Variants in NRG1 observed in about 807,000 individuals in gnomAD.
The protein encoded by NRG1 is neuregulin 1.
A neutral mutation model predicts 63.8 loss-of-function variants in NRG1; 18 were observed. That is an observed-to-expected ratio of 0.28 (90% confidence interval 0.19 to 0.42). The LOEUF is 0.42. NRG1 is among the 10% of genes least tolerant of loss of function. NRG1 has a pLI of 1.00. For synonymous variants in NRG1, 302 were observed against 301.3 expected, an observed-to-expected ratio of 1.00 and a Z score of -0.02; for missense variants, 762 against 814.7, an observed-to-expected ratio of 0.94 and a Z score of 0.79.
intron 1 of NRG1, among the ~76,000 whole-genome samples, chr8:32,431,122 C>G (rs1424089808): frequency 6.6e-6 from 1 of 152,132 alleles, no homozygotes; most frequent in Non-Finnish European, 1.5e-5. Context: ...ACACATTGCC[C>G]ATGATCACAG....
At chr8:32,048,217 C>T (rs554146007) in intron 1 of NRG1, among the ~76,000 whole-genome samples, 1 of 151,430 alleles carries the variant, frequency 6.6e-6, no homozygotes, top group South Asian at 2.1e-4. Flanking sequence ...ACACGGTAAA[C>T]ACGGAAGTGT....
chr8:32,157,961 A>G (rs942336242), intron 1 of NRG1, among the ~76,000 whole-genome samples: 1 of 152,056 alleles, frequency 6.6e-6, no homozygotes, highest in African/African-American at 2.4e-5. Flanking sequence ...TTCCTTATAC[A>G]CTTTCCACTT....
At chr8:32,225,714 AG>A (rs1189351731) in intron 1 of NRG1, among the ~76,000 whole-genome samples, 2 of 152,232 alleles carry the variant, frequency 1.3e-5, no homozygotes, top group Non-Finnish European at 2.9e-5. Flanking sequence ...ATAAGCAGCT[AG>A]AAAGTACCAC....
chr8:32,439,671 C>T (rs1056099899), intron 1 of NRG1, among the ~76,000 whole-genome samples: 1 of 151,698 alleles, frequency 6.6e-6, no homozygotes, highest in African/African-American at 2.4e-5. Flanking sequence ...TAAGAAACTG[C>T]TTATAATATT....
chr8:32,341,941 C>T (rs1301097038), intron 1 of NRG1, among the ~76,000 whole-genome samples: 1 of 152,070 alleles, frequency 6.6e-6, no homozygotes, highest in African/African-American at 2.4e-5. Context: ...GTTTAAGATA[C>T]TAATTATATA....
chr8:32,019,897 T>C (rs1208119822), intron 1 of NRG1, among the ~76,000 whole-genome samples: 2 of 152,204 alleles, frequency 1.3e-5, no homozygotes, highest in Admixed American at 1.3e-4. Flanking sequence ...GTTTGGTCTA[T>C]TCTGTTATCT....
chr8:32,648,429 G>A, intron 5 of NRG1: 1 of 1,590,944 alleles, frequency 6.3e-7, no homozygotes, highest in Non-Finnish European at 8.6e-7. Context: ...ATGAATAAAA[G>A]GGGTGGGTTT....
chr8:32,728,284 T>C (rs1343695273), intron 6 of NRG1: 1 of 984,474 alleles, frequency 1.0e-6, no homozygotes, highest in Non-Finnish European at 1.2e-6. Context: ...CTCTTTTCAA[T>C]GTGTGTGAGG....
intron 1 of NRG1, among the ~76,000 whole-genome samples, chr8:32,126,757 A>T (rs992492059): frequency 2.0e-5 from 3 of 151,928 alleles, no homozygotes; most frequent in Non-Finnish European, 4.4e-5. Context: ...TTTCAGTAAG[A>T]TGTTTAGCTT....
At chr8:32,767,674 T>C (rs1009997990) in exon 12 of NRG1, 5 of 152,204 alleles carry the variant, frequency 3.3e-5, no homozygotes, top group African/African-American at 9.6e-5. Flanking sequence ...GTTGTTTTCA[T>C]ATAAGTTTAA....
At chr8:32,056,597 T>G (rs1049554283) in intron 1 of NRG1, among the ~76,000 whole-genome samples, 1 of 152,168 alleles carries the variant, frequency 6.6e-6, no homozygotes, top group Non-Finnish European at 1.5e-5. Context: ...CAATCAAACA[T>G]GTATAGTTTA....
At chr8:32,177,230 A>G (rs1353585496) in intron 1 of NRG1, among the ~76,000 whole-genome samples, 2 of 151,706 alleles carry the variant, frequency 1.3e-5, no homozygotes, top group Admixed American at 1.3e-4. Flanking sequence ...TCGCAAGGAC[A>G]AAGAACCAAA....
intron 1 of NRG1, among the ~76,000 whole-genome samples, chr8:31,792,433 A>G (rs1820806796): frequency 6.6e-6 from 1 of 152,232 alleles, no homozygotes; most frequent in Non-Finnish European, 1.5e-5. Flanking sequence ...AACAGAAAAA[A>G]AGAAATCAGA....
chr8:32,326,533 C>A (rs531570230), intron 1 of NRG1, among the ~76,000 whole-genome samples: 1 of 152,138 alleles, frequency 6.6e-6, no homozygotes, highest in African/African-American at 2.4e-5. Flanking sequence ...CTATGTTGCC[C>A]AGGCTGGTCT....
chr8:32,193,708 A>G (rs1353594867), intron 1 of NRG1, among the ~76,000 whole-genome samples: 2 of 152,276 alleles, frequency 1.3e-5, no homozygotes, highest in Middle Eastern at 3.4e-3. Flanking sequence ...TCAGAATAGA[A>G]CCTTATTTGG....
chr8:31,929,090 A>T (rs1834656459), intron 1 of NRG1, among the ~76,000 whole-genome samples: 1 of 152,200 alleles, frequency 6.6e-6, no homozygotes, highest in Non-Finnish European at 1.5e-5. Flanking sequence ...ATCTGAGACA[A>T]GCTATGATCA....
intron 1 of NRG1, among the ~76,000 whole-genome samples, chr8:32,376,410 C>T (rs1445103880): frequency 6.6e-6 from 1 of 152,116 alleles, no homozygotes; most frequent in East Asian, 1.9e-4. Context: ...CAATGTGCCC[C>T]ATCTTCTACC....
Position 32,312,012 on chromosome 8 carries a change from G to C in NRG1, c.38-283816G>C, listed in dbSNP as rs181760225. On this transcript the variant is annotated intron_variant, in intron 1 of 10. Coordinates refer to the NRG1 transcript ENST00000519301. Reference sequence around the variant, plus strand: ...TTGCTCAACCTGTTTACACTGAGATGTGTTGAGGAACTGTCCCACGGCAAG... The same window carrying C: ...TTGCTCAACCTGTTTACACTGAGATCTGTTGAGGAACTGTCCCACGGCAAG... Among the ~76,000 whole-genome samples the C allele has an allele frequency of 3.3e-3, 504 of 152,280 alleles. 4 individuals are homozygous for C. The highest frequency in any genetic ancestry group is 0.01 in the Middle Eastern group (3 of 294).
At chr8:31,970,339 G>A (rs1282911217) in intron 1 of NRG1, among the ~76,000 whole-genome samples, 2 of 152,108 alleles carry the variant, frequency 1.3e-5, no homozygotes, top group Non-Finnish European at 2.9e-5. Flanking sequence ...ATTTCCTTAA[G>A]TTCATTTCCT....
Sources: gnomAD v4.1 joint callset for allele counts (sites outside exome capture counted in the v4.1 genomes callset) on GRCh38, gnomAD v4.1.1 for gene constraint, MANE v1.5 for transcripts, NCBI Gene and HGNC (gene_info 2026-07-23, HGNC 2026-07-21) for gene names.